Variants in TTC29 observed in about 807,000 individuals in gnomAD.
TTC29 encodes the protein tetratricopeptide repeat protein 29.
Under a neutral mutation model 58.1 loss-of-function variants are expected in TTC29, and 49 were observed. The observed-to-expected ratio is 0.84, with a 90% CI of 0.67 to 1.07. TTC29 has a LOEUF of 1.07. Ranked by LOEUF, TTC29 falls within the 50% of genes least tolerant of loss-of-function variation. The pLI is 0.00. For missense variants in TTC29, 582 were observed against 555.6 expected, an observed-to-expected ratio of 1.05 and a Z score of -0.48; for synonymous variants, 209 against 196.8, an observed-to-expected ratio of 1.06 and a Z score of -0.52.
At chr4:146,760,163 ATTGAGAAC>A (rs1024084358) in intron 11 of TTC29, among the ~76,000 whole-genome samples, 27 of 152,092 alleles carry the variant, frequency 1.8e-4, no homozygotes, top group African/African-American at 5.8e-4. Context: ...AGAGATTCAA[ATTGAGAAC>A]TCACCCCCTT....
chr4:146,855,563 G>A (rs1280914565), intron 8 of TTC29, among the ~76,000 whole-genome samples: 1 of 151,960 alleles, frequency 6.6e-6, no homozygotes, highest in Non-Finnish European at 1.5e-5. Context: ...GAAATTACTG[G>A]GTAAAAGAGT....
intron 6 of TTC29, among the ~76,000 whole-genome samples, chr4:146,881,817 C>A (rs191982927): frequency 6.6e-6 from 1 of 152,168 alleles, no homozygotes; most frequent in East Asian, 1.9e-4. Flanking sequence ...AAATGGAACA[C>A]TGGAAAACAA....
At chr4:146,937,781 A>G (rs1017300451) in intron 3 of TTC29, 104 bp from the exon 4 acceptor site, 3 of 608,028 alleles carry the variant, frequency 4.9e-6, no homozygotes, top group African/African-American at 1.9e-5. Context: ...AGGGTATAAT[A>G]CCATATGTAA....
chr4:146,944,681 C>T (rs973003697), intron 2 of TTC29, among the ~76,000 whole-genome samples: 1 of 151,982 alleles, frequency 6.6e-6, no homozygotes, highest in Admixed American at 6.6e-5. Flanking sequence ...TACATCATCA[C>T]GAGTTCAAAA....
chr4:146,791,863 G>A (rs1749480923), intron 11 of TTC29, among the ~76,000 whole-genome samples: 1 of 152,192 alleles, frequency 6.6e-6, no homozygotes, highest in African/African-American at 2.4e-5. Flanking sequence ...TTTTAGTGGT[G>A]TGGATAAAAT....
intron 4 of TTC29, among the ~76,000 whole-genome samples, chr4:146,933,196 T>C (rs1486801126): frequency 6.6e-6 from 1 of 152,228 alleles, no homozygotes; most frequent in East Asian, 1.9e-4. Flanking sequence ...CTGATGATGC[T>C]AAAAATAAGA....
intron 2 of TTC29, chr4:146,943,982 T>A (rs1736678197): frequency 6.6e-6 from 1 of 152,230 alleles, no homozygotes; most frequent in Non-Finnish European, 1.5e-5. Flanking sequence ...TTATGGCACC[T>A]CCTTAGGGTT....
rs535030733 is a variant in TTC29, at chr4:146,893,450, A to C, written c.586+10094T>G. Among the ~76,000 whole-genome samples, 14 of 152,314 alleles carry C rather than the reference A, an allele frequency of 9.2e-5. No individual in the cohort carries two copies. In the East Asian group the frequency reaches 2.5e-3, roughly 27 times the overall value. On this transcript the variant is annotated intron_variant, in intron 6 of 12. Transcript: ENST00000325106. ...TGGGGAAAGGATTCCCTATTTAATA[A>C]ATGGTGCTGGGAAAATTGGCTAGCC...
chr4:146,818,152 CAA>C (rs1237989347), intron 10 of TTC29, among the ~76,000 whole-genome samples: 3 of 152,134 alleles, frequency 2.0e-5, no homozygotes, highest in Non-Finnish European at 4.4e-5. Flanking sequence ...AGGCAACCTA[CAA>C]AATGGGAGAA....
intron 11 of TTC29, among the ~76,000 whole-genome samples, chr4:146,784,820 G>GA (rs781581140): frequency 1.1e-4 from 16 of 152,048 alleles, no homozygotes; most frequent in Non-Finnish European, 2.1e-4. Flanking sequence ...TTCTTTATCT[G>GA]AAAAAATGGA....
At chr4:146,890,809 C>T (rs1342809663) in intron 6 of TTC29, among the ~76,000 whole-genome samples, 1 of 152,278 alleles carries the variant, frequency 6.6e-6, no homozygotes, top group Admixed American at 6.5e-5. Flanking sequence ...GGTTTATGCA[C>T]ACTTCAGCCT....
chr4:146,727,159 T>C (rs1375388273), intron 11 of TTC29, among the ~76,000 whole-genome samples: 2 of 152,004 alleles, frequency 1.3e-5, no homozygotes, highest in African/African-American at 4.8e-5. Context: ...CTGTACTTTT[T>C]AAGAAGCAAT....
intron 8 of TTC29, among the ~76,000 whole-genome samples, chr4:146,847,946 T>C (rs1729279970): frequency 6.6e-6 from 1 of 152,224 alleles, no homozygotes; most frequent in Non-Finnish European, 1.5e-5. Flanking sequence ...CTGAGGGAAC[T>C]TCACAGGTAC....
At chr4:146,808,324 C>T (rs528305301) in intron 10 of TTC29, among the ~76,000 whole-genome samples, 143 of 152,176 alleles carry the variant, frequency 9.4e-4, no homozygotes, top group African/African-American at 3.3e-3. Flanking sequence ...CTTTGAAAAC[C>T]GGCACAAGAG....
rs1247770946 is a variant in TTC29 at position 146,820,107 on chromosome 4, A to G, written c.1101+18T>C. 7 of 1,610,588 alleles carry G rather than the reference A, an allele frequency of 4.3e-6. No individual in the cohort carries two copies. Among genetic ancestry groups the G allele is most frequent in the African/African-American group, 2.7e-5 (2 of 74,806 alleles). On this transcript the variant is annotated intron_variant, in intron 10 of 12. Coordinates refer to ENST00000325106, the MANE Select transcript of TTC29 (RefSeq NM_031956.4). The stretch of plus-strand genomic sequence containing the variant: ...AACACCGCAAATTTCTCTATAAACA[A>G]GAAACACATAGACTCACTTTTTCAT...
intron 8 of TTC29, among the ~76,000 whole-genome samples, chr4:146,853,768 CT>C (rs1343072708): frequency 1.3e-5 from 2 of 152,120 alleles, no homozygotes; most frequent in African/African-American, 4.8e-5. Context: ...AGGCACATTA[CT>C]TCTTTATCTT....
chr4:146,925,663 CTT>C lies in TTC29; in HGVS notation c.176+11929_176+11930del, dbSNP rs1734884608. Reference sequence around the variant, plus strand: ...AACTAACTTTTGAGAAAACAATTCCCTTAATCAGCAATGCATTTCTTTGGCTA... The same window carrying C: ...AACTAACTTTTGAGAAAACAATTCCCAATCAGCAATGCATTTCTTTGGCTA... On this transcript the variant is annotated intron_variant, in intron 4 of 12. Transcript: ENST00000325106. 8.5e-5 allele frequency among the ~76,000 whole-genome samples: 13 copies of C among 152,206 alleles called. No homozygotes were observed. The South Asian group carries it at 2.7e-3, about 31-fold the overall frequency.
At chr4:146,746,133 T>C (rs919549476) in intron 11 of TTC29, among the ~76,000 whole-genome samples, 6 of 152,196 alleles carry the variant, frequency 3.9e-5, no homozygotes, top group African/African-American at 1.4e-4. Flanking sequence ...TTGTAGATTC[T>C]CTGTACCAGC....
At chr4:146,881,691 A>G (rs917556068) in intron 6 of TTC29, among the ~76,000 whole-genome samples, 2 of 152,080 alleles carry the variant, frequency 1.3e-5, no homozygotes, top group African/African-American at 2.4e-5. Flanking sequence ...ACGGCACTAC[A>G]CATGCTGAAA....
Sources: gnomAD v4.1 joint callset for allele counts (sites outside exome capture counted in the v4.1 genomes callset) on GRCh38, gnomAD v4.1.1 for gene constraint, MANE v1.5 for transcripts, NCBI Gene and HGNC (gene_info 2026-07-23, HGNC 2026-07-21) for gene names.